Variants in TESK2 observed in about 807,000 individuals in gnomAD.
TESK2 encodes testis associated actin remodelling kinase 2, also known as dual specificity testis-specific protein kinase 2.
A neutral mutation model predicts 57.1 loss-of-function variants in TESK2; 39 were observed. The observed-to-expected ratio is 0.68, with a 90% confidence interval of 0.53 to 0.89. The LOEUF is 0.89. Ranked by LOEUF, TESK2 falls within the 40% of genes least tolerant of loss-of-function variation. The probability of loss-of-function intolerance (pLI) is 0.00; values close to 1 mark genes in which losing one functional copy is unlikely to be tolerated. For synonymous variants in TESK2, 249 were observed against 267.9 expected, an observed-to-expected ratio of 0.93 and a Z score of 0.69; for missense variants, 646 against 732.1, an observed-to-expected ratio of 0.88 and a Z score of 1.36.
At chr1:45,448,234 T>C in intron 2 of TESK2, among the ~76,000 whole-genome samples, 1 of 86,122 alleles carries the variant, frequency 1.2e-5, no homozygotes, top group East Asian at 2.9e-4. Flanking sequence ...TGAGACCCTG[T>C]CTCAAAAAAA....
At chr1:45,437,691 T>C (rs1026111301) in intron 2 of TESK2, among the ~76,000 whole-genome samples, 3 of 152,230 alleles carry the variant, frequency 2.0e-5, no homozygotes, top group Non-Finnish European at 4.4e-5. Context: ...TTGTCATATA[T>C]GGCCTTTATT....
At chr1:45,449,883 C>G (rs1651803147) in intron 2 of TESK2, among the ~76,000 whole-genome samples, 1 of 151,974 alleles carries the variant, frequency 6.6e-6, no homozygotes, top group Non-Finnish European at 1.5e-5. Context: ...TTTAATTAGT[C>G]TACTCTCCCC....
At position 45,452,032 on chromosome 1, in the gene TESK2, C is replaced by CAAAAAAAAAAAAAACAAAAAAAAA. The variant is rs1651891959; in HGVS notation, c.222+5531_222+5532insTTTTTTTTTGTTTTTTTTTTTTTT. On this transcript the variant is annotated intron_variant, in intron 2 of 10. Coordinates refer to ENST00000372086, the MANE Select transcript of TESK2 (RefSeq NM_007170.3). ...TGGGAGACAGAACAAGACTCCGTCT[C>CAAAAAAAAAAAAAACAAAAAAAAA]AAAAAAAAAAAAAAATTTATTTGGT... Among the ~76,000 whole-genome samples the CAAAAAAAAAAAAAACAAAAAAAAA allele has an allele frequency of 1.9e-5, 2 of 103,872 alleles. 1 individual carries two copies. The highest frequency in any genetic ancestry group is 1.9e-4 in the Admixed American group (2 of 10,374). 68.1% of individuals were successfully genotyped at this position (103,872 alleles called of 152,430 possible).
chr1:45,434,168 A>G (rs1229404716), intron 2 of TESK2, among the ~76,000 whole-genome samples: 9 of 151,830 alleles, frequency 5.9e-5, no homozygotes, highest in Non-Finnish European at 1.3e-4. Flanking sequence ...TAATTTTTGT[A>G]TTTTTGGTAG....
At chr1:45,372,116 C>T (rs989043435) in intron 4 of TESK2, among the ~76,000 whole-genome samples, 11 of 151,592 alleles carry the variant, frequency 7.3e-5, no homozygotes, top group African/African-American at 2.7e-4. Flanking sequence ...GATGTGGTGG[C>T]ACACGCCTGT....
At chr1:45,419,635 G>A (rs1212534061) in intron 3 of TESK2, among the ~76,000 whole-genome samples, 1 of 151,844 alleles carries the variant, frequency 6.6e-6, no homozygotes, top group Non-Finnish European at 1.5e-5. Context: ...GTAAAACCCC[G>A]TCTCTACTAA....
At chr1:45,385,884 G>A (rs1249646703) in intron 4 of TESK2, 28 bp downstream of exon 4, 3 of 1,554,748 alleles carry the variant, frequency 1.9e-6, no homozygotes, top group Admixed American at 1.8e-5. Context: ...AGGCAAATAC[G>A]TTACTTCAAC....
chr1:45,408,456 A>G (rs1278023351), intron 3 of TESK2, among the ~76,000 whole-genome samples: 3 of 152,068 alleles, frequency 2.0e-5, no homozygotes, highest in African/African-American at 4.8e-5. Context: ...GGCCCTTTCA[A>G]TCTGGAAGCA....
At position 45,436,799 on chromosome 1, in the gene TESK2, C is replaced by CTT. The variant is rs35797939; in HGVS notation, c.223-14955_223-14954dup. 6.7e-4 allele frequency among the ~76,000 whole-genome samples: 82 copies of CTT among 123,094 alleles called. 1 individual carries two copies. The highest frequency in any genetic ancestry group is 2.0e-3 in the East Asian group (8 of 4,070). 80.8% of individuals were successfully genotyped at this position (123,094 alleles called of 152,430 possible). A position where few individuals can be genotyped will look rare whatever the true frequency, so the allele number is the denominator to read the frequency against. On this transcript the variant is annotated intron_variant, in intron 2 of 10. Transcript: ENST00000372086. ...CACTGTGCCCAGCCAACATTAGTATCTTTTTTTTTTTTTTTTTAGACAGAG... is the reference window on the plus strand; with the variant it reads ...CACTGTGCCCAGCCAACATTAGTATCTTTTTTTTTTTTTTTTTTTAGACAGAG...
intron 4 of TESK2, among the ~76,000 whole-genome samples, chr1:45,384,323 C>CTATG (rs145216387): frequency 0.031 from 4,630 of 150,382 alleles, 179 homozygotes; most frequent in African/African-American, 0.092. Flanking sequence ...GGGTCTCACT[C>CTATG]TATGTATGTA....
chr1:45,489,556 G>A (rs961928525), intron 1 of TESK2, among the ~76,000 whole-genome samples: 6 of 152,222 alleles, frequency 3.9e-5, no homozygotes, highest in Non-Finnish European at 8.8e-5. Flanking sequence ...GTGGGAGGCC[G>A]AGGTGGGCGG....
At chr1:45,489,146 A>AG (rs1206027276) in intron 1 of TESK2, among the ~76,000 whole-genome samples, 1 of 151,516 alleles carries the variant, frequency 6.6e-6, no homozygotes, top group Admixed American at 6.6e-5. Flanking sequence ...AAAAAAAAAA[A>AG]AAAGCTTCTT....
intron 3 of TESK2, among the ~76,000 whole-genome samples, chr1:45,415,903 C>T (rs1650220150): frequency 6.6e-6 from 1 of 151,986 alleles, no homozygotes; most frequent in Admixed American, 6.6e-5. Context: ...TGTGGCACAA[C>T]ACAAATTCAT....
chr1:45,356,063 TA>T (rs1397819630), intron 4 of TESK2, among the ~76,000 whole-genome samples: 2 of 152,116 alleles, frequency 1.3e-5, no homozygotes, highest in Non-Finnish European at 2.9e-5. Flanking sequence ...CATGGTATGA[TA>T]GATGGATTAG....
chr1:45,484,622 C>T (rs1453210465), intron 1 of TESK2, among the ~76,000 whole-genome samples: 1 of 151,790 alleles, frequency 6.6e-6, no homozygotes, highest in Admixed American at 6.6e-5. Flanking sequence ...TACTCAGCTA[C>T]TCAGGAGGCT....
At chr1:45,402,127 C>T (rs935156214) in intron 3 of TESK2, among the ~76,000 whole-genome samples, 7 of 149,110 alleles carry the variant, frequency 4.7e-5, no homozygotes, top group Admixed American at 1.3e-4. Flanking sequence ...CAGTGACTCA[C>T]ACCTGTAATC....
chr1:45,477,608 C>T (rs1039675343), intron 1 of TESK2, among the ~76,000 whole-genome samples: 5 of 151,252 alleles, frequency 3.3e-5, no homozygotes, highest in African/African-American at 7.3e-5. Context: ...GGCAGCTGAA[C>T]GAGACTCCAT....
At chr1:45,411,912 C>T (rs1266701980) in intron 3 of TESK2, among the ~76,000 whole-genome samples, 1 of 152,222 alleles carries the variant, frequency 6.6e-6, no homozygotes, top group Non-Finnish European at 1.5e-5. Flanking sequence ...CCGCCTCAGT[C>T]TCCCAAGTGC....
chr1:45,382,337 C>T (rs969791889), intron 4 of TESK2, among the ~76,000 whole-genome samples: 13 of 152,178 alleles, frequency 8.5e-5, no homozygotes, highest in African/African-American at 3.1e-4. Context: ...CTCCTGGGCT[C>T]AGGTGATCCT....
Sources: allele counts gnomAD v4.1 joint callset (sites outside exome capture counted in the v4.1 genomes callset), GRCh38; gene constraint gnomAD v4.1.1; transcripts MANE v1.5; gene names NCBI Gene and HGNC (gene_info 2026-07-23, HGNC 2026-07-21).